The following PCDHA11 variants were observed in gnomAD, a reference collection of about 807,000 sequenced individuals.
PCDHA11 encodes protocadherin alpha-11.
Under a neutral mutation model 70.3 loss-of-function variants are expected in PCDHA11, and 61 were observed. That is an observed-to-expected ratio of 0.87 (90% CI 0.71 to 1.07). The LOEUF (loss-of-function observed/expected upper bound fraction) is 1.07, where lower values mean the gene tolerates loss of function less well. PCDHA11 is among the 50% of genes least tolerant of loss of function. The probability of loss-of-function intolerance (pLI) is 0.00; values close to 1 mark genes in which losing one functional copy is unlikely to be tolerated. For synonymous variants in PCDHA11, 633 were observed against 555.1 expected, an observed-to-expected ratio of 1.14 and a Z score of -1.97; for missense variants, 1,324 against 1,237.5, an observed-to-expected ratio of 1.07 and a Z score of -1.05.
At position 140,998,569 on chromosome 5, in the gene PCDHA11, G is replaced by GTTT. The variant is rs71574497; in HGVS notation, c.2540-11048_2540-11046dup. ...TTAATGTCTAATTTATTGTAAATAA[G>GTTT]TTTTTTTTTTTTGAGACAGAGTTTT... On this transcript the variant is annotated intron_variant, in intron 3 of 3. Transcript: ENST00000398640. Among the ~76,000 whole-genome samples, 105 of 149,398 alleles carry GTTT rather than the reference G, an allele frequency of 7.0e-4. 1 individual carries two copies. Among genetic ancestry groups the GTTT allele is most frequent in the Middle Eastern group, 3.4e-3 (1 of 292 alleles).
intron 1 of PCDHA11, chr5:140,926,987 G>T: frequency 6.2e-7 from 1 of 1,610,996 alleles, no homozygotes; most frequent in African/African-American, 1.3e-5. Context: ...GAGACGGAGC[G>T]GGGCGTAGCC....
intron 1 of PCDHA11, among the ~76,000 whole-genome samples, chr5:140,920,592 T>C (rs1226483981): frequency 6.6e-6 from 1 of 152,158 alleles, no homozygotes; most frequent in Non-Finnish European, 1.5e-5. Flanking sequence ...ACGCCTGTAA[T>C]CCCAGCACTT....
intron 1 of PCDHA11, among the ~76,000 whole-genome samples, chr5:140,965,232 G>C (rs192008157): frequency 6.6e-5 from 10 of 152,194 alleles, no homozygotes; most frequent in Non-Finnish European, 1.0e-4. Context: ...GTGAGAACCT[G>C]GGAAGAGTGA....
intron 1 of PCDHA11, among the ~76,000 whole-genome samples, chr5:140,964,512 T>C (rs2095837085): frequency 6.6e-6 from 1 of 152,128 alleles, no homozygotes; most frequent in African/African-American, 2.4e-5. Context: ...CAATACCCAG[T>C]GGCCAGGTCT....
At position 140,876,322 on chromosome 5, in the gene PCDHA11, A is replaced by C. The variant is rs146464308; in HGVS notation, c.2391+4828A>C. On this transcript the variant is annotated intron_variant, in intron 1 of 3. Transcript: ENST00000398640. ...AGAAATTTCCTATGGGATCAAAATG[A>C]TTTTGCCAGTGAGTGAGAAATGTAT... 2.9e-4 allele frequency: 465 copies of C among 1,614,034 alleles called. 1 individual carries two copies. In the African/African-American group the frequency reaches 5.7e-3, roughly 20 times the overall value.
chr5:140,946,219 G>T (rs2093905754), intron 1 of PCDHA11, among the ~76,000 whole-genome samples: 1 of 151,856 alleles, frequency 6.6e-6, no homozygotes, highest in African/African-American at 2.4e-5. Context: ...TGACCAACAG[G>T]TATACTAAAA....
chr5:141,011,749 G>T lies in PCDHA11; in HGVS notation c.*1812G>T, dbSNP rs782567787. 1.2e-4 allele frequency: 18 copies of T among 153,636 alleles called. No homozygotes were observed. Among genetic ancestry groups the T allele is most frequent in the Non-Finnish European group, 2.5e-4 (17 of 68,010 alleles). 9.5% of individuals were successfully genotyped at this position (153,636 alleles called of 1,614,324 possible). A position where few individuals can be genotyped will look rare whatever the true frequency, so the allele number is the denominator to read the frequency against. On this transcript the variant is annotated 3_prime_UTR_variant, in exon 4 of 4. Coordinates refer to ENST00000398640, the MANE Select transcript of PCDHA11 (RefSeq NM_018902.5). ...GTGCAAGCACAAATTTTACCAATCT[G>T]ACCTCTTTGAAGTTGCAGAATGCTT...
intron 1 of PCDHA11, chr5:140,883,245 G>C: frequency 6.2e-7 from 1 of 1,614,016 alleles, no homozygotes; most frequent in South Asian, 1.1e-5. Context: ...GTTGACAAAG[G>C]AAATATTCCA....
chr5:140,995,434 A>G (rs146744164), intron 3 of PCDHA11, among the ~76,000 whole-genome samples: 4 of 152,320 alleles, frequency 2.6e-5, no homozygotes, highest in African/African-American at 7.2e-5. Context: ...ACAGCTTGCA[A>G]TTTAAAACTT....
chr5:141,000,737 G>A (rs1449947824), intron 3 of PCDHA11, among the ~76,000 whole-genome samples: 21 of 149,738 alleles, frequency 1.4e-4, no homozygotes, highest in African/African-American at 5.0e-4. Context: ...CCCTATCTCT[G>A]TATATTAAAA....
chr5:140,995,511 A>G (rs561169284), intron 3 of PCDHA11, among the ~76,000 whole-genome samples: 1 of 152,342 alleles, frequency 6.6e-6, no homozygotes, highest in Admixed American at 6.5e-5. Flanking sequence ...TGGGTAACTG[A>G]AGCCTCAGAA....
chr5:140,895,320 T>C (rs561707282), intron 1 of PCDHA11, among the ~76,000 whole-genome samples: 2 of 152,298 alleles, frequency 1.3e-5, no homozygotes, highest in East Asian at 3.9e-4. Flanking sequence ...CCATGACTAT[T>C]GTTCTCAAAT....
chr5:140,969,068 A>C (rs2096293164), intron 1 of PCDHA11: 2 of 1,614,046 alleles, frequency 1.2e-6, no homozygotes, highest in South Asian at 2.2e-5. Flanking sequence ...TGATGCCAGG[A>C]TACCGCATGG....
chr5:140,951,210 G>C (rs541010152), intron 1 of PCDHA11, among the ~76,000 whole-genome samples: 4 of 151,862 alleles, frequency 2.6e-5, no homozygotes, highest in African/African-American at 9.7e-5. Flanking sequence ...TGTCATCTCA[G>C]GTTTGGATTC....
intron 1 of PCDHA11, among the ~76,000 whole-genome samples, chr5:140,941,202 C>CCTTTCTTCCTTTCTTTCTTTCTTT (rs1394736170): frequency 4.2e-3 from 519 of 122,694 alleles, no homozygotes; most frequent in African/African-American, 7.8e-3. Flanking sequence ...TTTCTTTCTT[C>CCTTTCTTCCTTTCTTTCTTTCTTT]CTTTCTTTCT....
At position 140,884,316 on chromosome 5, in the gene PCDHA11, C is replaced by T. The variant is rs563652109; in HGVS notation, c.2391+12822C>T. The T allele has an allele frequency of 3.1e-6, 5 of 1,613,752 alleles. No individual in the cohort carries two copies. The East Asian group carries it at 8.9e-5, about 29-fold the overall frequency. On this transcript the variant is annotated intron_variant, in intron 1 of 3. Coordinates refer to ENST00000398640, the MANE Select transcript of PCDHA11 (RefSeq NM_018902.5). ...GCGCCACAGGCTTCGTCGAGGGCGT[C>T]GGCAGGCGCTGTGGGTCCAGAAGCG...
chr5:140,946,631 T>TATATATATATAC (rs57893927), intron 1 of PCDHA11, among the ~76,000 whole-genome samples: 3,699 of 131,684 alleles, frequency 0.028, 186 homozygotes, highest in East Asian at 0.064. Flanking sequence ...TATATATATA[T>TATATATATATAC]ACAATGGAAT....
chr5:140,881,310 G>A (rs782291557), intron 1 of PCDHA11: 31 of 977,830 alleles, frequency 3.2e-5, no homozygotes, highest in Non-Finnish European at 3.6e-5. Flanking sequence ...TAACCTCCTG[G>A]TTAAATTCTA....
intron 1 of PCDHA11, chr5:140,966,951 C>T (rs781885198): frequency 6.2e-7 from 1 of 1,603,742 alleles, no homozygotes; most frequent in Non-Finnish European, 8.5e-7. Context: ...GGCAACGTGG[C>T]TCGCGCGCTG....
Sources: allele counts gnomAD v4.1 joint callset (sites outside exome capture counted in the v4.1 genomes callset), GRCh38; gene constraint gnomAD v4.1.1; transcripts MANE v1.5; gene names NCBI Gene and HGNC (gene_info 2026-07-23, HGNC 2026-07-21).